The following PTPN13 variants were observed in gnomAD, a reference collection of about 807,000 sequenced individuals.
The protein encoded by PTPN13 is protein tyrosine phosphatase non-receptor type 13.
In PTPN13, 191 loss-of-function variants were observed where a neutral mutation model predicts 284.0. The ratio of observed to expected loss-of-function variants is 0.67; its 90% confidence interval spans 0.60 to 0.76. The LOEUF (loss-of-function observed/expected upper bound fraction) is 0.76, where lower values mean the gene tolerates loss of function less well. Among genes scored for constraint, PTPN13 ranks in the 30% least tolerant of loss-of-function variants. PTPN13 has a pLI of 0.00. For synonymous variants in PTPN13, 986 were observed against 1,022.3 expected, an observed-to-expected ratio of 0.96 and a Z score of 0.68; for missense variants, 2,797 against 2,939.9, an observed-to-expected ratio of 0.95 and a Z score of 1.12.
chr4:86,701,089 C>T (rs1286916085), intron 6 of PTPN13, among the ~76,000 whole-genome samples, 152 bp from the exon 7 acceptor site: 1 of 152,126 alleles, frequency 6.6e-6, no homozygotes, highest in Admixed American at 6.5e-5. Flanking sequence ...TTTCCTCTTC[C>T]ACTATGACCA....
intron 46 of PTPN13, 127 bp downstream of exon 46, chr4:86,810,111 CTTA>C: frequency 1.5e-6 from 1 of 679,466 alleles, no homozygotes; most frequent in East Asian, 2.9e-5. Flanking sequence ...TCATTTTCTT[CTTA>C]TATTATTATA....
Position 86,807,771 on chromosome 4 carries a change from C to G in PTPN13, c.6957C>G (p.Cys2319Trp). The G allele has an allele frequency of 6.2e-7, 1 of 1,614,010 alleles. No individual in the cohort carries two copies. The highest frequency in any genetic ancestry group is 2.2e-5 in the East Asian group (1 of 44,886). The part of the protein sequence containing the change: ...TQEVEGEKIK[C>W]QRYWPNILGK... ...AAGTAGAAGGAGAAAAAATCAAATG[C>G]CAGCGCTATTGGCCCAACATCCTAG... The change falls in exon 45 of 48, where the codon TGC becomes TGG. Residue 2319 changes from cysteine to tryptophan, a missense_variant. Physicochemically the swap from Cys to Trp is radical, Grantham distance 215. Coordinates refer to ENST00000411767, the MANE Select transcript of PTPN13 (RefSeq NM_080683.3).
intron 38 of PTPN13, 104 bp from the exon 39 acceptor site, chr4:86,785,127 T>G: frequency 1.2e-6 from 1 of 815,402 alleles, no homozygotes; most frequent in East Asian, 2.9e-5. Flanking sequence ...TAAAATTGGT[T>G]GCTTAAAATT....
rs1382457076 is a variant in PTPN13, at chr4:86,732,741, T to C, written c.1833T>C (p.His611=). The change falls in exon 12 of 48, where the codon CAT becomes CAC. Residue 611 remains histidine (H), a synonymous_variant. Transcript: ENST00000411767. ...CACATATTGGCTTAGTAGAGCATCA[T>C]TTGTTTGCTTTAGCTACCCTCAAAG... is the stretch of plus-strand genomic sequence containing the variant. ...VVAHIGLVEH[H]LFALATLKDN... 1 of 1,613,124 alleles carries C rather than the reference T, an allele frequency of 6.2e-7. No homozygotes were observed. Among genetic ancestry groups the C allele is most frequent in the East Asian group, 2.2e-5 (1 of 44,796 alleles).
rs753949802 is a variant in PTPN13, at chr4:86,734,714, T to C, written c.2013-23T>C. The C allele has an allele frequency of 2.4e-5, 38 of 1,597,622 alleles. 1 individual carries two copies. The Admixed American group carries it at 4.6e-4, about 19-fold the overall frequency. The stretch of plus-strand genomic sequence containing the variant: ...GTATTCAAAATCAAAGGCCAAGATG[T>C]CTGTGTGTGTTTGTTTTTTCAGACA... On this transcript the variant is annotated intron_variant, in intron 13 of 47. Coordinates refer to ENST00000411767, the MANE Select transcript of PTPN13 (RefSeq NM_080683.3).
intron 3 of PTPN13, among the ~76,000 whole-genome samples, chr4:86,682,566 T>C (rs994620146): frequency 6.6e-5 from 10 of 152,150 alleles, no homozygotes; most frequent in Non-Finnish European, 1.5e-5. Flanking sequence ...AATATGTAGA[T>C]CAAATACTTG....
chr4:86,748,389 T>A (rs1325954641), intron 17 of PTPN13, among the ~76,000 whole-genome samples: 8 of 152,132 alleles, frequency 5.3e-5, no homozygotes, highest in Admixed American at 5.2e-4. Flanking sequence ...TATGATCCCA[T>A]CCCATATCCA....
intron 29 of PTPN13, 32 bp from the exon 30 acceptor site, chr4:86,770,069 G>A (rs1352353836): frequency 1.2e-6 from 2 of 1,611,176 alleles, no homozygotes; most frequent in African/African-American, 1.3e-5. Flanking sequence ...TGGTTTAACT[G>A]TACCTTCATT....
intron 44 of PTPN13, among the ~76,000 whole-genome samples, chr4:86,807,001 T>C (rs887257875): frequency 3.9e-5 from 6 of 152,160 alleles, no homozygotes; most frequent in Non-Finnish European, 7.4e-5. Context: ...GAGCTGTTAT[T>C]TTCTTTATTG....
chr4:86,782,785 A>C (rs1160054656), intron 37 of PTPN13, among the ~76,000 whole-genome samples: 1 of 152,238 alleles, frequency 6.6e-6, no homozygotes, highest in Non-Finnish European at 1.5e-5. Context: ...TAATCATTTA[A>C]GATTAGCACA....
chr4:86,810,463 A>G (rs1745107064), intron 46 of PTPN13, among the ~76,000 whole-genome samples: 1 of 152,078 alleles, frequency 6.6e-6, no homozygotes, highest in South Asian at 2.1e-4. Context: ...TAAAAAAATT[A>G]CTATAAGAGT....
intron 17 of PTPN13, among the ~76,000 whole-genome samples, chr4:86,749,228 A>T (rs528704716): frequency 2.0e-5 from 3 of 152,186 alleles, no homozygotes; most frequent in Admixed American, 2.0e-4. Context: ...GTCAGTAATC[A>T]TTTGATATTT....
chr4:86,746,031 G>A (rs948148474), intron 17 of PTPN13, among the ~76,000 whole-genome samples: 1 of 152,146 alleles, frequency 6.6e-6, no homozygotes, highest in Non-Finnish European at 1.5e-5. Flanking sequence ...ACACTGTATA[G>A]TCTTCTGGGT....
In PTPN13 at chr4:86,672,556, T is replaced by G; in HGVS notation, c.294+13T>G. The G allele has an allele frequency of 6.3e-7, 1 of 1,578,278 alleles. No individual in the cohort carries two copies. The highest frequency in any genetic ancestry group is 8.6e-7 in the Non-Finnish European group (1 of 1,160,104). On this transcript the variant is annotated intron_variant, in intron 3 of 47. Transcript: ENST00000411767. ...AGATGTTGAAAAGGTAACTGTTAAATTTTTTTGTTTGTTTTTTTATTTGGG... is the reference window on the plus strand; with the variant it reads ...AGATGTTGAAAAGGTAACTGTTAAAGTTTTTTGTTTGTTTTTTTATTTGGG...
intron 1 of PTPN13, among the ~76,000 whole-genome samples, chr4:86,617,957 T>C (rs1409208342): frequency 6.6e-6 from 1 of 152,006 alleles, no homozygotes; most frequent in Non-Finnish European, 1.5e-5. Flanking sequence ...ATTTTGGCTT[T>C]TGTTGCCATT....
In PTPN13 at chr4:86,807,773, A is replaced by T; in HGVS notation, c.6959A>T (p.Gln2320Leu). The change falls in exon 45 of 48, where the codon CAG (glutamine) becomes CTG (leucine). Residue 2320 changes from glutamine (Q) to leucine (L), a missense_variant. Coordinates refer to ENST00000411767, the MANE Select transcript of PTPN13 (RefSeq NM_080683.3). The part of the protein sequence containing the change: ...QEVEGEKIKC[Q>L]RYWPNILGKT... The stretch of plus-strand genomic sequence containing the variant: ...GTAGAAGGAGAAAAAATCAAATGCC[A>T]GCGCTATTGGCCCAACATCCTAGGC... 1.2e-6 allele frequency: 2 copies of T among 1,614,072 alleles called. No homozygotes were observed.
At chr4:86,684,128 A>G (rs1472426704) in intron 3 of PTPN13, among the ~76,000 whole-genome samples, 2 of 151,904 alleles carry the variant, frequency 1.3e-5, no homozygotes, top group East Asian at 3.9e-4. Flanking sequence ...GTTTCCCTCA[A>G]GGAGGACAAA....
At position 86,772,839 on chromosome 4, in the gene PTPN13, T is replaced by C. The variant is rs17012064; in HGVS notation, c.5230T>C (p.Ser1744Pro). ...GCAGAGTTATCAACCCCAATCAGAA[T>C]CTGCTTCCTCTAGTTCGATGGATAA... is the stretch of plus-strand genomic sequence containing the variant. ...PGQSYQPQSE[S>P]ASSSSMDKYH... Residue 1744 changes from serine to proline, a missense_variant, in exon 32 of 48, where the codon TCT becomes CCT. Ser to Pro is a moderately conservative substitution (Grantham distance 74). Transcript: ENST00000411767. 5,257 of 1,613,434 alleles carry C rather than the reference T, an allele frequency of 3.3e-3. 169 individuals are homozygous for C. The African/African-American group carries it at 0.061, about 19-fold the overall frequency.
intron 40 of PTPN13, among the ~76,000 whole-genome samples, chr4:86,795,154 A>T (rs1245567178): frequency 1.3e-5 from 2 of 152,192 alleles, no homozygotes; most frequent in African/African-American, 4.8e-5. Context: ...CTGACAAAGG[A>T]CTAATATCCT....
Sources: allele counts gnomAD v4.1 joint callset (sites outside exome capture counted in the v4.1 genomes callset), GRCh38; gene constraint gnomAD v4.1.1; transcripts MANE v1.5; gene names NCBI Gene and HGNC (gene_info 2026-07-23, HGNC 2026-07-21).